CAPN7: variants seen among roughly 807,000 people sequenced by gnomAD.
CAPN7 encodes the protein calpain-7.
CAPN7 carries 72 observed loss-of-function variants against 115.2 expected under a neutral mutation model. The ratio of observed to expected loss-of-function variants is 0.63; its 90% CI spans 0.52 to 0.76. The LOEUF is 0.76. CAPN7 is among the 30% of genes least tolerant of loss of function. CAPN7 has a pLI of 0.00. For missense variants in CAPN7, 905 were observed against 971.5 expected, an observed-to-expected ratio of 0.93 and a Z score of 0.91; for synonymous variants, 344 against 322.3, an observed-to-expected ratio of 1.07 and a Z score of -0.72.
intron 18 of CAPN7, 176 bp from the exon 19 acceptor site, chr3:15,247,151 G>A: frequency 3.4e-6 from 2 of 580,208 alleles, no homozygotes; most frequent in Admixed American, 7.0e-5. Flanking sequence ...GATGGAAATA[G>A]GGGTTAGTGG....
At position 15,252,332 on chromosome 3, in the gene CAPN7, A is replaced by G. The variant is rs1696038976; in HGVS notation, c.*1072A>G. On this transcript the variant is annotated 3_prime_UTR_variant, in exon 21 of 21. Transcript: ENST00000253693. ...TGCATAGTTTAAGTTAGATTTATTG[A>G]AAGATTTCATCTGTCGTGTTTCATG... 1 of 152,650 alleles carries G rather than the reference A, an allele frequency of 6.6e-6. No homozygotes were observed. Among genetic ancestry groups the G allele is most frequent in the South Asian group, 2.1e-4 (1 of 4,834 alleles). 9.5% of individuals were successfully genotyped at this position (152,650 alleles called of 1,614,324 possible).
chr3:15,225,741 G>T (rs1399288999), intron 6 of CAPN7, among the ~76,000 whole-genome samples: 2 of 152,148 alleles, frequency 1.3e-5, no homozygotes, highest in Non-Finnish European at 2.9e-5. Context: ...TTGCACCCCA[G>T]TGCCTACCAC....
chr3:15,218,369 C>T, intron 3 of CAPN7, 104 bp from the exon 4 acceptor site: 1 of 717,418 alleles, frequency 1.4e-6, no homozygotes, highest in African/African-American at 1.8e-5. Context: ...TTCTCAATTT[C>T]AGCAAGTGTA....
chr3:15,229,129 T>G (rs1157179822), intron 8 of CAPN7, 70 bp downstream of exon 8: 1 of 1,109,206 alleles, frequency 9.0e-7, no homozygotes, highest in Non-Finnish European at 1.4e-6. Flanking sequence ...AACTTAAGCC[T>G]TATCTGTATA....
At position 15,206,454 on chromosome 3, in the gene CAPN7, G is replaced by A. The variant is rs2044626621; in HGVS notation, c.-42G>A. The A allele has an allele frequency of 6.2e-6, 9 of 1,457,978 alleles. No individual in the cohort carries two copies. The highest frequency in any genetic ancestry group is 2.0e-5 in the Admixed American group (1 of 49,962). The allele number at this position is 1,457,978 out of a possible 1,614,324, so 90.3% of individuals were successfully genotyped here. A position where few individuals can be genotyped will look rare whatever the true frequency, so the allele number is the denominator to read the frequency against. On this transcript the variant is annotated 5_prime_UTR_variant, in exon 1 of 21. Coordinates refer to ENST00000253693, the MANE Select transcript of CAPN7 (RefSeq NM_014296.3). ...CGCAGTCCGCGAAGAGCCGTCCTGCGTCAGGGCCTCCTTCCCTGCCCCGGC... is the reference window on the plus strand; with the variant it reads ...CGCAGTCCGCGAAGAGCCGTCCTGCATCAGGGCCTCCTTCCCTGCCCCGGC...
Position 15,220,757 on chromosome 3 carries a change from G to A in CAPN7, c.438-24G>A, listed in dbSNP as rs1405299245. 9.3e-6 allele frequency: 15 copies of A among 1,608,872 alleles called. No individual in the cohort carries two copies. The East Asian group carries it at 3.1e-4, about 34-fold the overall frequency. On this transcript the variant is annotated intron_variant, in intron 4 of 20. Transcript: ENST00000253693. ...AAATGTGAGTAGAAAAACTAGAACAGTTGTTTGTTCCTCTCTGTTATAGAG... is the reference window on the plus strand; with the variant it reads ...AAATGTGAGTAGAAAAACTAGAACAATTGTTTGTTCCTCTCTGTTATAGAG...
intron 1 of CAPN7, 54 bp downstream of exon 1, chr3:15,206,651 G>A: frequency 7.5e-7 from 1 of 1,330,744 alleles, no homozygotes; most frequent in African/African-American, 1.5e-5. Context: ...GTGCGGCCCG[G>A]GCCTGCGGCC....
chr3:15,244,936 A>G (rs906377812), intron 16 of CAPN7, among the ~76,000 whole-genome samples: 19 of 151,882 alleles, frequency 1.3e-4, no homozygotes, highest in East Asian at 1.9e-4. Context: ...GACATGCACT[A>G]TTTTTTTTAA....
At chr3:15,211,733 A>G (rs1298653785) in intron 1 of CAPN7, among the ~76,000 whole-genome samples, 1 of 152,126 alleles carries the variant, frequency 6.6e-6, no homozygotes, top group Non-Finnish European at 1.5e-5. Context: ...AATCTCTACT[A>G]AAAATACAAA....
intron 2 of CAPN7, 77 bp downstream of exon 2, chr3:15,212,289 CTTCTT>C (rs2045002072): frequency 1.3e-6 from 1 of 752,918 alleles, no homozygotes; most frequent in Non-Finnish European, 2.1e-6. Context: ...GTTTGTTTCT[CTTCTT>C]CATTTTTATC....
chr3:15,216,961 G>C (rs535232809), intron 2 of CAPN7, among the ~76,000 whole-genome samples: 21 of 151,646 alleles, frequency 1.4e-4, no homozygotes, highest in Non-Finnish European at 2.4e-4. Flanking sequence ...AGGAAGGCTG[G>C]GCATGGTGGC....
In CAPN7 at chr3:15,251,276, T is replaced by G; in HGVS notation, c.*16T>G. 1 of 1,570,174 alleles carries G rather than the reference T, an allele frequency of 6.4e-7. No individual in the cohort carries two copies. ...ACTTCAGTGATGGAGAAATCTCAAG[T>G]TACTGGCTTTTATACTTACCAAACA... On this transcript the variant is annotated 3_prime_UTR_variant, in exon 21 of 21. Coordinates refer to ENST00000253693, the MANE Select transcript of CAPN7 (RefSeq NM_014296.3).
At chr3:15,230,684 G>T (rs1694633125) in intron 9 of CAPN7, 149 bp downstream of exon 9, 1 of 491,562 alleles carries the variant, frequency 2.0e-6, no homozygotes, top group Admixed American at 3.5e-5. Context: ...GTAGCATCAT[G>T]TGTTAATCAT....
rs1559379001 is a variant in CAPN7, at chr3:15,206,289, A to AGCCGGGTCTGGGCTACG, written c.-207_-206insGCCGGGTCTGGGCTACG. ...GAAGTGGGGCGGCCGGGTGGGCTAC[A>AGCCGGGTCTGGGCTACG]AGCCGGGTCTGGGCTGAGGGGCGCG... On this transcript the variant is annotated 5_prime_UTR_variant, in exon 1 of 21. Transcript: ENST00000253693. The AGCCGGGTCTGGGCTACG allele has an allele frequency of 2.2e-6, 1 of 445,144 alleles. No individual in the cohort carries two copies. The highest frequency in any genetic ancestry group is 4.0e-6 in the Non-Finnish European group (1 of 250,480). The allele number at this position is 445,144 out of a possible 1,614,324, so 27.6% of individuals were successfully genotyped here.
intron 2 of CAPN7, among the ~76,000 whole-genome samples, chr3:15,215,783 A>G (rs1437333528): frequency 3.3e-5 from 5 of 152,208 alleles, no homozygotes; most frequent in African/African-American, 7.2e-5. Context: ...GCTGTTATAA[A>G]TAATGCAGTT....
intron 2 of CAPN7, among the ~76,000 whole-genome samples, chr3:15,212,682 T>C (rs2045024165): frequency 6.6e-6 from 1 of 152,204 alleles, no homozygotes. Context: ...GAAAGTGACA[T>C]GTAAACAGAG....
chr3:15,229,415 C>T (rs1481576465), intron 8 of CAPN7, among the ~76,000 whole-genome samples: 1 of 151,982 alleles, frequency 6.6e-6, no homozygotes, highest in African/African-American at 2.4e-5. Context: ...AGAGGAGATG[C>T]ACTGCAAGTG....
chr3:15,210,281 T>A lies in CAPN7; in HGVS notation c.103-1823T>A, dbSNP rs116477832. 2.9e-3 allele frequency among the ~76,000 whole-genome samples: 440 copies of A among 152,230 alleles called. 4 individuals are homozygous for A. Among genetic ancestry groups the A allele is most frequent in the African/African-American group, 8.9e-3 (370 of 41,548 alleles). On this transcript the variant is annotated intron_variant, in intron 1 of 20. Transcript: ENST00000253693. ...CCTAAGTAAAAAAAATAGCTTTTTT[T>A]AAAAAGTACAATAATTATTTGGAAA...
chr3:15,236,023 T>C (rs1351097934), intron 12 of CAPN7, among the ~76,000 whole-genome samples: 1 of 151,990 alleles, frequency 6.6e-6, no homozygotes, highest in Non-Finnish European at 1.5e-5. Flanking sequence ...AAAAAAAAAT[T>C]AGCTGGGCAT....
Sources: allele counts gnomAD v4.1 joint callset (sites outside exome capture counted in the v4.1 genomes callset), GRCh38; gene constraint gnomAD v4.1.1; transcripts MANE v1.5; gene names NCBI Gene and HGNC (gene_info 2026-07-23, HGNC 2026-07-21).